Variants in PTGR2 observed in about 807,000 individuals in gnomAD.
PTGR2 encodes 15-oxoprostaglandin 13-reductase.
In PTGR2, 32 loss-of-function variants were observed where a neutral mutation model predicts 43.4. The ratio of observed to expected loss-of-function variants is 0.74; its 90% confidence interval spans 0.56 to 0.99. The LOEUF (loss-of-function observed/expected upper bound fraction) is 0.99, where lower values mean the gene tolerates loss of function less well. PTGR2 is among the 50% of genes least tolerant of loss of function. The pLI is 0.00. For missense variants in PTGR2, 373 were observed against 420.0 expected, an observed-to-expected ratio of 0.89 and a Z score of 0.98; for synonymous variants, 106 against 139.2, an observed-to-expected ratio of 0.76 and a Z score of 1.68.
chr14:73,852,564 T>C (rs2054254806), intron 1 of PTGR2, among the ~76,000 whole-genome samples: 1 of 152,128 alleles, frequency 6.6e-6, no homozygotes, highest in South Asian at 2.1e-4. Flanking sequence ...ATTCACATCA[T>C]TGAACAAAGC....
intron 3 of PTGR2, among the ~76,000 whole-genome samples, chr14:73,868,523 A>G (rs143975510): frequency 1.1e-3 from 164 of 152,222 alleles, no homozygotes; most frequent in African/African-American, 3.8e-3. Context: ...GGATTTGCTT[A>G]TTTTTAGAGA....
At chr14:73,873,356 A>T (rs1595364475) in intron 3 of PTGR2, among the ~76,000 whole-genome samples, 1 of 152,184 alleles carries the variant, frequency 6.6e-6, no homozygotes, top group Non-Finnish European at 1.5e-5. Flanking sequence ...TGCAGTGGCT[A>T]TATCATGCTA....
At chr14:73,880,410 T>TA (rs1009884356) in intron 7 of PTGR2, 56 of 378,818 alleles carry the variant, frequency 1.5e-4, no homozygotes, top group South Asian at 4.4e-4. Flanking sequence ...CCTTCTCTAC[T>TA]AAAAATACAA....
intron 1 of PTGR2, among the ~76,000 whole-genome samples, chr14:73,853,689 G>A (rs79178745): frequency 1.3e-5 from 2 of 152,054 alleles, no homozygotes; most frequent in Non-Finnish European, 2.9e-5. Flanking sequence ...GGGTGAGGGT[G>A]GGGGAGGTGG....
chr14:73,871,341 CTTTTTTTTTTTTTT>C (rs869073652), intron 3 of PTGR2, among the ~76,000 whole-genome samples: 1 of 67,878 alleles, frequency 1.5e-5, no homozygotes, highest in Admixed American at 1.8e-4. Context: ...GGCTGTTCAT[CTTTTTTTTTTTTTT>C]TTTTTTTTTT....
At chr14:73,881,772 CTTTTTTTT>C (rs57377878) in intron 8 of PTGR2, among the ~76,000 whole-genome samples, 2 of 69,242 alleles carry the variant, frequency 2.9e-5, no homozygotes, top group Non-Finnish European at 4.8e-5. Context: ...CTAGGCTATT[CTTTTTTTT>C]TTTTTTTTTT....
At chr14:73,863,513 GTTTA>G (rs1057355869) in intron 3 of PTGR2, among the ~76,000 whole-genome samples, 4 of 151,454 alleles carry the variant, frequency 2.6e-5, no homozygotes, top group African/African-American at 4.9e-5. Flanking sequence ...TTTTAAAATT[GTTTA>G]TTTATGAATC....
chr14:73,860,631 C>A lies in PTGR2; in HGVS notation c.130C>A (p.Leu44Ile). 1 of 1,486,546 alleles carries A rather than the reference C, an allele frequency of 6.7e-7. No individual in the cohort carries two copies. The highest frequency in any genetic ancestry group is 9.3e-7 in the Non-Finnish European group (1 of 1,076,016). The allele number at this position is 1,486,546 out of a possible 1,614,324, so 92.1% of individuals were successfully genotyped here. A position where few individuals can be genotyped will look rare whatever the true frequency, so the allele number is the denominator to read the frequency against. ...TGAAGGACAAGTACAAGTTAGAACTCTTTATCTTTCTGTGGATCCTTACAT... is the reference window on the plus strand; with the variant it reads ...TGAAGGACAAGTACAAGTTAGAACTATTTATCTTTCTGTGGATCCTTACAT... ...INEGQVQVRT[L>I]YLSVDPYMRC... The change falls in exon 3 of 10, where the codon CTT (leucine) becomes ATT (isoleucine). Residue 44 changes from leucine to isoleucine, a missense_variant. Coordinates refer to ENST00000555661, the MANE Select transcript of PTGR2 (RefSeq NM_001146154.2).
At chr14:73,864,002 C>T (rs1217400842) in intron 3 of PTGR2, among the ~76,000 whole-genome samples, 3 of 152,134 alleles carry the variant, frequency 2.0e-5, no homozygotes, top group African/African-American at 7.2e-5. Flanking sequence ...CAGGGATCCT[C>T]CTGCCTCAGC....
chr14:73,883,881 A>G (rs914987815), intron 9 of PTGR2, among the ~76,000 whole-genome samples: 3 of 152,162 alleles, frequency 2.0e-5, no homozygotes, highest in Non-Finnish European at 4.4e-5. Context: ...TACCAATTAA[A>G]TCTTTCCAGT....
chr14:73,879,175 T>C lies in PTGR2; in HGVS notation c.599T>C (p.Leu200Pro). Reference sequence around the variant, plus strand: ...AAATGCATCCTCTTGACCTCAGAACTGGGCTTTGATGCTGCAATTAATTAT... The same window carrying C: ...AAATGCATCCTCTTGACCTCAGAACCGGGCTTTGATGCTGCAATTAATTAT... ...HEKCILLTSE[L>P]GFDAAINYKK... Residue 200 changes from leucine (L) to proline (P), a missense_variant, in exon 6 of 10, where the codon CTG becomes CCG. Leu to Pro is a moderately conservative substitution (Grantham distance 98). Transcript: ENST00000555661. 1.2e-6 allele frequency: 2 copies of C among 1,614,104 alleles called. No homozygotes were observed. The highest frequency in any genetic ancestry group is 1.7e-6 in the Non-Finnish European group (2 of 1,180,000).
chr14:73,880,590 A>AC (rs112545382), intron 7 of PTGR2, among the ~76,000 whole-genome samples: 60 of 129,600 alleles, frequency 4.6e-4, no homozygotes, highest in African/African-American at 1.5e-3. Flanking sequence ...AAAAAAACAA[A>AC]AAAAAAAAAA....
rs1566641310 is a variant in PTGR2, at chr14:73,877,010, C to CT, written c.363dup (p.Val122CysfsTer34). The CT allele has an allele frequency of 6.2e-7, 1 of 1,611,930 alleles. No individual in the cohort carries two copies. Among genetic ancestry groups the CT allele is most frequent in the South Asian group, 1.1e-5 (1 of 90,994 alleles). On this transcript the variant is annotated frameshift_variant, in exon 5 of 10. Transcript: ENST00000555661. ...TATTTTATTTTAGGTAGACCCACAA[C>CT]TTGTGGATGGACACCTTTCATATTT...
Position 73,874,228 on chromosome 14 carries a change from G to A in PTGR2, c.348+14G>A. 9 of 1,550,432 alleles carry A rather than the reference G, an allele frequency of 5.8e-6. No individual in the cohort carries two copies. Among genetic ancestry groups the A allele is most frequent in the Non-Finnish European group, 7.9e-6 (9 of 1,141,064 alleles). ...AGCCTTGAAAAGGTGATATATATAT[G>A]AACATATCTGATTTTTTTTCCCCGT... On this transcript the variant is annotated intron_variant, in intron 4 of 9. Coordinates refer to ENST00000555661, the MANE Select transcript of PTGR2 (RefSeq NM_001146154.2).
Position 73,874,384 on chromosome 14 carries a change from G to A in PTGR2, c.348+170G>A, listed in dbSNP as rs113519234. On this transcript the variant is annotated intron_variant, in intron 4 of 9. Coordinates refer to ENST00000555661, the MANE Select transcript of PTGR2 (RefSeq NM_001146154.2). Reference sequence around the variant, plus strand: ...TTCCTTTTCCACTGTTAGCTGTGTAGGGAAGTTTAAATTGTCCTTCTGAAG... The same window carrying A: ...TTCCTTTTCCACTGTTAGCTGTGTAAGGAAGTTTAAATTGTCCTTCTGAAG... Among the ~76,000 whole-genome samples, 54 of 152,290 alleles carry A rather than the reference G, an allele frequency of 3.5e-4. No homozygotes were observed. Among genetic ancestry groups the A allele is most frequent in the African/African-American group, 1.3e-3 (54 of 41,560 alleles).
rs764139076 is a variant in PTGR2 at position 73,877,100 on chromosome 14, A to G, written c.451A>G (p.Thr151Ala). Residue 151 changes from threonine to alanine, a missense_variant, in exon 5 of 10, where the codon ACT becomes GCT. Transcript: ENST00000555661. ...LIGIQEKGHI[T>A]AGSNKTMVVS... The stretch of plus-strand genomic sequence containing the variant: ...TGGGATACAGGAAAAAGGTCATATA[A>G]CTGCTGGATCTAATAAGACAATGGT... 1.2e-5 allele frequency: 19 copies of G among 1,613,882 alleles called. No individual in the cohort carries two copies. In the Admixed American group the frequency reaches 2.7e-4, roughly 23 times the overall value.
chr14:73,874,043 C>T lies in PTGR2; in HGVS notation c.177C>T (p.Asp59=). The part of the protein sequence containing the change: ...DPYMRCRMNE[D]TGTDYITPWQ... ...TTCAGCGTTGTAGAATGAATGAAGA[C>T]ACTGGCACTGATTATATAACACCTT... Residue 59 remains aspartate (D), a synonymous_variant, in exon 4 of 10, where the codon GAC becomes GAT. Transcript: ENST00000555661. The T allele has an allele frequency of 6.2e-7, 1 of 1,608,324 alleles. No homozygotes were observed. Among genetic ancestry groups the T allele is most frequent in the South Asian group, 1.1e-5 (1 of 89,666 alleles).
chr14:73,873,547 C>T (rs961477569), intron 3 of PTGR2, among the ~76,000 whole-genome samples: 6 of 151,580 alleles, frequency 4.0e-5, no homozygotes, highest in Admixed American at 3.9e-4. Flanking sequence ...TCACTGCAAC[C>T]TCCACCTCCC....
intron 4 of PTGR2, chr14:73,874,769 T>A: frequency 2.9e-6 from 1 of 348,546 alleles, no homozygotes; most frequent in Non-Finnish European, 5.6e-6. Flanking sequence ...AATTGCATGG[T>A]AAACAAAGGT....
Sources: gnomAD v4.1 joint callset for allele counts (sites outside exome capture counted in the v4.1 genomes callset) on GRCh38, gnomAD v4.1.1 for gene constraint, MANE v1.5 for transcripts, NCBI Gene and HGNC (gene_info 2026-07-23, HGNC 2026-07-21) for gene names.